Variants in DPP4 observed in about 807,000 individuals in gnomAD.
The protein encoded by DPP4 is dipeptidyl peptidase 4, also known as ADCP-2.
A neutral mutation model predicts 122.4 loss-of-function variants in DPP4; 93 were observed. That is an observed-to-expected ratio of 0.76 (90% CI 0.64 to 0.90). DPP4 has a LOEUF of 0.90. DPP4 is among the 40% of genes least tolerant of loss of function. The probability of loss-of-function intolerance (pLI) is 0.00; values close to 1 mark genes in which losing one functional copy is unlikely to be tolerated. For synonymous variants in DPP4, 321 were observed against 302.9 expected (o/e 1.06, Z -0.62); for missense variants, 914 against 907.3 (o/e 1.01, Z -0.09).
At chr2:162,048,790 T>C (rs984833910) in intron 2 of DPP4, among the ~76,000 whole-genome samples, 1 of 152,214 alleles carries the variant, frequency 6.6e-6, no homozygotes, top group African/African-American at 2.4e-5. Flanking sequence ...TTGACAACTC[T>C]TTTGCTCTGC....
In DPP4 at chr2:162,045,636, A is replaced by C. The variant is rs749389143; in HGVS notation, c.286-24T>G. On this transcript the variant is annotated intron_variant, in intron 4 of 25. Transcript: ENST00000360534. ...TCCTGTCAAACAAGAAGAACAAAGA[A>C]AAATTGAACAATTCCATTTCATTGC... The C allele has an allele frequency of 2.0e-6, 3 of 1,536,646 alleles. No individual in the cohort carries two copies. In the South Asian group the frequency reaches 3.4e-5, roughly 17 times the overall value.
chr2:162,009,187 C>T, intron 21 of DPP4, 54 bp downstream of exon 21: 1 of 1,559,404 alleles, frequency 6.4e-7, no homozygotes, highest in Non-Finnish European at 8.8e-7. Flanking sequence ...AAGTAACCTG[C>T]TCTGAGTGAT....
intron 21 of DPP4, 82 bp from the exon 22 acceptor site, chr2:162,008,743 A>C: frequency 3.3e-6 from 4 of 1,210,924 alleles, no homozygotes; most frequent in Non-Finnish European, 4.9e-6. Flanking sequence ...CACATTTCTC[A>C]CATCTTTATA....
intron 2 of DPP4, among the ~76,000 whole-genome samples, chr2:162,057,799 G>T (rs1684626521): frequency 6.6e-6 from 1 of 152,032 alleles, no homozygotes; most frequent in South Asian, 2.1e-4. Context: ...TTGAGACAGA[G>T]TCTTACTCTG....
chr2:162,052,306 G>A (rs966531398), intron 2 of DPP4, among the ~76,000 whole-genome samples: 37 of 118,376 alleles, frequency 3.1e-4, no homozygotes, highest in Admixed American at 1.0e-3. Flanking sequence ...CAACAAGAGC[G>A]AAACTCCATC....
chr2:162,006,143 A>C (rs1005865528), intron 22 of DPP4, among the ~76,000 whole-genome samples: 7 of 152,214 alleles, frequency 4.6e-5, no homozygotes, highest in Non-Finnish European at 1.0e-4. Flanking sequence ...CTAAAATCCA[A>C]TCAATAATCC....
intron 14 of DPP4, 74 bp from the exon 15 acceptor site, chr2:162,019,350 A>G: frequency 9.5e-7 from 1 of 1,053,072 alleles, no homozygotes; most frequent in Non-Finnish European, 1.4e-6. Flanking sequence ...CCGCACTCAG[A>G]CCCCAAGCCT....
In DPP4 at chr2:162,062,461, G is replaced by A. The variant is rs185218236; in HGVS notation, c.94+10938C>T. 1.3e-5 allele frequency among the ~76,000 whole-genome samples: 2 copies of A among 152,266 alleles called. 1 individual carries two copies. Among genetic ancestry groups the A allele is most frequent in the East Asian group, 3.9e-4 (2 of 5,182 alleles). On this transcript the variant is annotated intron_variant, in intron 2 of 25. Transcript: ENST00000360534. ...TGCTGAGTTCTCTGTTCAAAGTATT[G>A]TGAGGTTAAAATCAAAGTTTTGGCT...
At chr2:162,041,127 T>C (rs1270394217) in intron 5 of DPP4, among the ~76,000 whole-genome samples, 2 of 152,100 alleles carry the variant, frequency 1.3e-5, no homozygotes, top group African/African-American at 4.8e-5. Context: ...TATTAGACTT[T>C]AGAGAGCCAA....
In DPP4 at chr2:161,993,319, C is replaced by T. The variant is rs1700909532; in HGVS notation, c.2265G>A (p.Met755Ile). The T allele has an allele frequency of 6.2e-7, 1 of 1,613,618 alleles. No homozygotes were observed. The highest frequency in any genetic ancestry group is 8.5e-7 in the Non-Finnish European group (1 of 1,179,732). ...STAHQHIYTH[M>I]SHFIKQCFSL... is the part of the protein sequence containing the mutation. ...AGAAACATTGTTTTATGAAGTGGCT[C>T]ATGTGGGTATATATATGTTGGTGTG... Residue 755 changes from methionine (M) to isoleucine (I), a missense_variant, in exon 26 of 26, where the codon ATG (methionine) becomes ATA (isoleucine). Coordinates refer to ENST00000360534, the MANE Select transcript of DPP4 (RefSeq NM_001935.4).
chr2:162,071,570 AG>A (rs1321302231), intron 2 of DPP4, among the ~76,000 whole-genome samples: 2 of 152,154 alleles, frequency 1.3e-5, no homozygotes, highest in Non-Finnish European at 2.9e-5. Flanking sequence ...TGAACCCGGG[AG>A]GGGGAGACTT....
At chr2:162,025,191 C>T (rs1271993168) in intron 10 of DPP4, among the ~76,000 whole-genome samples, 2 of 152,136 alleles carry the variant, frequency 1.3e-5, no homozygotes, top group Non-Finnish European at 2.9e-5. Flanking sequence ...AGTGGCTTAA[C>T]ATGCGTGACT....
intron 16 of DPP4, 124 bp from the exon 17 acceptor site, chr2:162,017,279 T>G: frequency 1.3e-6 from 1 of 786,966 alleles, no homozygotes; most frequent in Non-Finnish European, 2.0e-6. Context: ...AATATTATAA[T>G]GCATAAGAAG....
intron 2 of DPP4, among the ~76,000 whole-genome samples, chr2:162,062,710 C>A (rs1347492668): frequency 6.6e-6 from 1 of 152,216 alleles, no homozygotes; most frequent in African/African-American, 2.4e-5. Context: ...CCTTCTCATG[C>A]CTGGGATTCC....
chr2:161,998,840 C>T (rs754685135), intron 23 of DPP4, among the ~76,000 whole-genome samples: 2 of 151,956 alleles, frequency 1.3e-5, no homozygotes, highest in Admixed American at 6.6e-5. Context: ...GAGAAAAAGA[C>T]GAAAACTGTG....
chr2:162,017,410 C>A, intron 16 of DPP4: 1 of 463,240 alleles, frequency 2.2e-6, no homozygotes, highest in East Asian at 3.4e-5. Flanking sequence ...GAATCTGTGC[C>A]CTGCTGGGCA....
At chr2:162,042,191 T>C (rs1470604416) in intron 5 of DPP4, among the ~76,000 whole-genome samples, 1 of 152,222 alleles carries the variant, frequency 6.6e-6, no homozygotes, top group East Asian at 1.9e-4. Flanking sequence ...TTTCTAAGCT[T>C]CCATTTTCTT....
chr2:162,006,422 A>G lies in DPP4; in HGVS notation c.1988-613T>C, dbSNP rs568669674. Among the ~76,000 whole-genome samples the G allele has an allele frequency of 4.6e-5, 7 of 152,304 alleles. No homozygotes were observed. The South Asian group carries it at 1.4e-3, about 32-fold the overall frequency. ...TCACTATAATAAAAACAAATAATTC[A>G]GTTATCATTTATTTGCTGTATATCC... On this transcript the variant is annotated intron_variant, in intron 22 of 25. Coordinates refer to ENST00000360534, the MANE Select transcript of DPP4 (RefSeq NM_001935.4).
chr2:161,995,253 T>C, intron 24 of DPP4, 47 bp downstream of exon 24: 1 of 1,555,986 alleles, frequency 6.4e-7, no homozygotes, highest in Non-Finnish European at 8.9e-7. Flanking sequence ...GTAGTGAAAT[T>C]GCAAACCTGT....
Sources: allele counts gnomAD v4.1 joint callset (sites outside exome capture counted in the v4.1 genomes callset), GRCh38; gene constraint gnomAD v4.1.1; transcripts MANE v1.5; gene names NCBI Gene and HGNC (gene_info 2026-07-23, HGNC 2026-07-21).